NDUFAF6: variants seen among roughly 807,000 people sequenced by gnomAD.
NDUFAF6 encodes the protein NADH:ubiquinone oxidoreductase complex assembly factor 6, also known as NADH dehydrogenase (ubiquinone) complex I, assembly factor 6.
NDUFAF6 carries 45 observed loss-of-function variants against 40.8 expected under a neutral mutation model. The observed-to-expected ratio is 1.10, with a 90% CI of 0.87 to 1.42. NDUFAF6 has a LOEUF of 1.42. Ranked by LOEUF, NDUFAF6 falls within the 40% of genes most tolerant of loss-of-function variation. NDUFAF6 has a pLI of 0.00. For synonymous variants in NDUFAF6, 185 were observed against 155.9 expected, an observed-to-expected ratio of 1.19 and a Z score of -1.39; for missense variants, 435 against 418.5, an observed-to-expected ratio of 1.04 and a Z score of -0.34.
In NDUFAF6 at chr8:95,019,065, C is replaced by T. The variant is rs577140008; in HGVS notation, c.-83-12930C>T. Reference sequence around the variant, plus strand: ...CTCGCTCTAGACCCTGGCTGGAGTGCGATGGCATGATCTTGGCTCACTGCA... The same window carrying T: ...CTCGCTCTAGACCCTGGCTGGAGTGTGATGGCATGATCTTGGCTCACTGCA... On this transcript the variant is annotated intron_variant, in intron 2 of 9. Transcript: ENST00000396111. Among the ~76,000 whole-genome samples the T allele has an allele frequency of 5.1e-4, 77 of 152,318 alleles. 1 individual carries two copies. Among genetic ancestry groups the T allele is most frequent in the Admixed American group, 1.9e-3 (29 of 15,296 alleles).
At chr8:95,020,950 T>C (rs143203447), upstream of NDUFAF6, among the ~76,000 whole-genome samples, 1 of 152,248 alleles carries the variant, frequency 6.6e-6, no homozygotes, top group Non-Finnish European at 1.5e-5. Flanking sequence ...TAGAGGTTCA[T>C]GAAAGGGAAA....
chr8:95,051,424 ATAGAG>A (rs1279827995), intron 7 of NDUFAF6, among the ~76,000 whole-genome samples: 1 of 152,220 alleles, frequency 6.6e-6, no homozygotes, highest in Non-Finnish European at 1.5e-5. Flanking sequence ...ATGGATGATC[ATAGAG>A]TAATTTCAGT....
exon 10 of NDUFAF6, chr8:95,075,979 G>A (rs187733372): frequency 2.9e-5 from 8 of 277,786 alleles, no homozygotes; most frequent in East Asian, 9.2e-5. Context: ...GGTGGACTCC[G>A]GGGCTTTGAA....
At chr8:94,977,178 TTTATG>T (rs974883321) in intron 1 of NDUFAF6, among the ~76,000 whole-genome samples, 8 of 150,790 alleles carry the variant, frequency 5.3e-5, no homozygotes, top group African/African-American at 1.9e-4. Flanking sequence ...GATGGTAAAT[TTTATG>T]TTATGCTTTT....
intron 2 of NDUFAF6, among the ~76,000 whole-genome samples, chr8:95,019,684 A>G: frequency 6.6e-6 from 1 of 152,186 alleles, no homozygotes. Flanking sequence ...CATAGTGACC[A>G]CTTTGCCTCT....
At chr8:94,995,105 C>A (rs1434902287) in intron 2 of NDUFAF6, among the ~76,000 whole-genome samples, 1 of 152,106 alleles carries the variant, frequency 6.6e-6, no homozygotes, top group African/African-American at 2.4e-5. Flanking sequence ...AATGGATAAA[C>A]AAAATGTCTG....
intron 1 of NDUFAF6, among the ~76,000 whole-genome samples, chr8:95,100,849 C>A (rs1045637336): frequency 6.6e-6 from 1 of 152,074 alleles, no homozygotes; most frequent in East Asian, 1.9e-4. Flanking sequence ...TTGGACAAAC[C>A]AAAGCTCAGC....
Position 95,032,036 on chromosome 8 carries a change from C to G in NDUFAF6, c.239C>G (p.Pro80Arg), listed in dbSNP as rs1828914859. Residue 80 changes from proline to arginine, a missense_variant, in exon 2 of 9, where the codon CCT becomes CGT. By Grantham distance (103) the Pro-to-Arg change is moderately radical. Coordinates refer to ENST00000396124, the MANE Select transcript of NDUFAF6 (RefSeq NM_152416.4). Reference sequence around the variant, plus strand: ...GGTTATTTATGCTCCCTGCTGCTCCCTGCAGAATCCCGAAGCTCTGTTTTT... The same window carrying G: ...GGTTATTTATGCTCCCTGCTGCTCCGTGCAGAATCCCGAAGCTCTGTTTTT... Reference protein sequence around the residue: ...YEGYLCSLLLPAESRSSVFAL... With the variant: ...YEGYLCSLLLRAESRSSVFAL... 6.2e-7 allele frequency: 1 copy of G among 1,614,202 alleles called. No individual in the cohort carries two copies. The highest frequency in any genetic ancestry group is 8.5e-7 in the Non-Finnish European group (1 of 1,180,038).
intron 1 of NDUFAF6, among the ~76,000 whole-genome samples, chr8:94,965,673 A>G (rs1045196382): frequency 6.6e-6 from 1 of 152,220 alleles, no homozygotes; most frequent in Non-Finnish European, 1.5e-5. Context: ...TCAATTGGCC[A>G]TGACGGAATG....
upstream of NDUFAF6, among the ~76,000 whole-genome samples, chr8:94,954,770 C>A (rs944162046): frequency 3.3e-5 from 5 of 152,154 alleles, no homozygotes; most frequent in African/African-American, 4.8e-5. Context: ...TGACCAGACC[C>A]ATAGGTTTAT....
At chr8:94,993,597 T>C (rs1826287262) in intron 2 of NDUFAF6, among the ~76,000 whole-genome samples, 1 of 152,138 alleles carries the variant, frequency 6.6e-6, no homozygotes, top group Admixed American at 6.5e-5. Flanking sequence ...TAAGTGGGCA[T>C]GGAGGAGGAG....
intron 2 of NDUFAF6, among the ~76,000 whole-genome samples, chr8:94,984,683 G>T (rs1286985173): frequency 6.6e-6 from 1 of 152,218 alleles, no homozygotes; most frequent in Non-Finnish European, 1.5e-5. Context: ...TGGTGTTTGA[G>T]TAGCATCTAT....
At chr8:94,923,087 A>T (rs1819615869) in intron 1 of NDUFAF6, among the ~76,000 whole-genome samples, 1 of 152,236 alleles carries the variant, frequency 6.6e-6, no homozygotes, top group South Asian at 2.1e-4. Context: ...AACGATTGAA[A>T]GTTGACATGC....
chr8:94,896,235 A>G (rs1398814527), intron 1 of NDUFAF6, among the ~76,000 whole-genome samples: 2 of 148,094 alleles, frequency 1.4e-5, no homozygotes, highest in Non-Finnish European at 3.0e-5. Flanking sequence ...GATCGCCACC[A>G]CGTGCAGGCC....
chr8:95,036,431 C>T, intron 3 of NDUFAF6: 1 of 1,289,362 alleles, frequency 7.8e-7, no homozygotes, highest in South Asian at 1.2e-5. Flanking sequence ...CACAGAGCCC[C>T]AGTAAAGATG....
At chr8:95,009,931 T>G (rs1827160638) in intron 2 of NDUFAF6, among the ~76,000 whole-genome samples, 1 of 152,222 alleles carries the variant, frequency 6.6e-6, no homozygotes, top group Admixed American at 6.5e-5. Context: ...TTTGAAGTAT[T>G]TTTTCTTCTT....
chr8:95,056,412 C>T (rs567187712), intron 8 of NDUFAF6, among the ~76,000 whole-genome samples: 36 of 151,846 alleles, frequency 2.4e-4, no homozygotes, highest in Non-Finnish European at 4.1e-4. Context: ...GGGGTTTTGC[C>T]GTGATGCCCA....
chr8:94,959,977 A>G (rs972146484), intron 1 of NDUFAF6, among the ~76,000 whole-genome samples: 1 of 152,216 alleles, frequency 6.6e-6, no homozygotes, highest in Non-Finnish European at 1.5e-5. Context: ...TTTTACTTCT[A>G]CAAACTCTCT....
rs569042581 is a variant in NDUFAF6, at chr8:94,939,575, T to C, written c.-935-5908T>C. 3.9e-3 allele frequency: 1,332 copies of C among 344,918 alleles called. 6 individuals are homozygous for C. The highest frequency in any genetic ancestry group is 5.4e-3 in the Non-Finnish European group (955 of 178,210). The allele number at this position is 344,918 out of a possible 1,614,324, so 21.4% of individuals were successfully genotyped here. Reference sequence around the variant, plus strand: ...CACACCTGGCTAATTTTTTGTTATTTTTTGTACAGACGGGGTTTCACCATG... The same window carrying C: ...CACACCTGGCTAATTTTTTGTTATTCTTTGTACAGACGGGGTTTCACCATG... On this transcript the variant is annotated intron_variant, in intron 1 of 14. Transcript: ENST00000396113.
Sources: allele counts gnomAD v4.1 joint callset (sites outside exome capture counted in the v4.1 genomes callset), GRCh38; gene constraint gnomAD v4.1.1; transcripts MANE v1.5; gene names NCBI Gene and HGNC (gene_info 2026-07-23, HGNC 2026-07-21).